The following LIN9 variants were observed in gnomAD, a reference collection of about 807,000 sequenced individuals.
LIN9 encodes the protein protein lin-9 homolog.
LIN9 carries 18 observed loss-of-function variants against 78.0 expected under a neutral mutation model. The observed-to-expected ratio is 0.23, with a 90% CI of 0.16 to 0.34. LIN9 has a LOEUF of 0.34. Ranked by LOEUF, LIN9 falls within the 10% of genes least tolerant of loss-of-function variation. LIN9 has a pLI of 1.00. For missense variants in LIN9, 451 were observed against 644.1 expected (o/e 0.70, Z 3.25); for synonymous variants, 192 against 215.2 (o/e 0.89, Z 0.94).
At position 226,232,960 on chromosome 1, in the gene LIN9, G is replaced by T. The variant is rs1657444493; in HGVS notation, c.1523+136C>A. ...TATTCTGTCCATAGGCTGGATATAAGTGAAAAGCTCTTACAAATATATTTA... is the reference window on the plus strand; with the variant it reads ...TATTCTGTCCATAGGCTGGATATAATTGAAAAGCTCTTACAAATATATTTA... On this transcript the variant is annotated intron_variant, in intron 14 of 14. Transcript: ENST00000681046. The T allele has an allele frequency of 7.1e-6, 4 of 565,410 alleles. No homozygotes were observed. The South Asian group carries it at 1.1e-4, about 16-fold the overall frequency. 35.0% of individuals were successfully genotyped at this position (565,410 alleles called of 1,614,324 possible). A position where few individuals can be genotyped will look rare whatever the true frequency, so the allele number is the denominator to read the frequency against.
chr1:226,262,097 G>C (rs1015083373), intron 10 of LIN9, among the ~76,000 whole-genome samples: 2 of 152,074 alleles, frequency 1.3e-5, no homozygotes, highest in African/African-American at 4.8e-5. Flanking sequence ...ACAAAAAAAT[G>C]AATCTAGACA....
In LIN9 at chr1:226,277,624, G is replaced by C. The variant is rs555452217; in HGVS notation, c.682+151C>G. 6 of 667,166 alleles carry C rather than the reference G, an allele frequency of 9.0e-6. No individual in the cohort carries two copies. The South Asian group carries it at 1.0e-4, about 11-fold the overall frequency. The allele number at this position is 667,166 out of a possible 1,614,324, so 41.3% of individuals were successfully genotyped here. On this transcript the variant is annotated intron_variant, in intron 7 of 14. Coordinates refer to ENST00000681046, the MANE Select transcript of LIN9 (RefSeq NM_001366245.2). ...GCATCAACCAGGCTCAGAGAGAGTTGAGGGATAGGGATAGGGTGAGGGTTA... is the reference window on the plus strand; with the variant it reads ...GCATCAACCAGGCTCAGAGAGAGTTCAGGGATAGGGATAGGGTGAGGGTTA...
chr1:226,261,659 TAAG>T (rs1353455708), intron 10 of LIN9, among the ~76,000 whole-genome samples: 3 of 152,210 alleles, frequency 2.0e-5, no homozygotes, highest in South Asian at 2.1e-4. Context: ...TGTTCATGGA[TAAG>T]AAGACACAAC....
At chr1:226,286,229 A>T in intron 6 of LIN9, 104 bp downstream of exon 6, 1 of 1,250,216 alleles carries the variant, frequency 8.0e-7, no homozygotes, top group Non-Finnish European at 1.1e-6. Flanking sequence ...CCCTGGCCTT[A>T]AGCAAATACC....
At chr1:226,282,417 G>A (rs777505343) in intron 6 of LIN9, among the ~76,000 whole-genome samples, 1 of 152,180 alleles carries the variant, frequency 6.6e-6, no homozygotes, top group Non-Finnish European at 1.5e-5. Flanking sequence ...GTCCTCCACA[G>A]AGATTATATA....
In LIN9 at chr1:226,241,695, A is replaced by G. The variant is rs374560746; in HGVS notation, c.1120-2599T>C. On this transcript the variant is annotated intron_variant, in intron 11 of 14. Coordinates refer to ENST00000681046, the MANE Select transcript of LIN9 (RefSeq NM_001366245.2). Reference sequence around the variant, plus strand: ...AACACGGTGAAACCCCGTCTCTACTAAAAATACAAAAAATTAGCTGGGTGT... The same window carrying G: ...AACACGGTGAAACCCCGTCTCTACTGAAAATACAAAAAATTAGCTGGGTGT... Among the ~76,000 whole-genome samples the G allele has an allele frequency of 2.0e-5, 3 of 152,204 alleles. No individual in the cohort carries two copies. In the East Asian group the frequency reaches 5.8e-4, roughly 29 times the overall value.
chr1:226,277,830 G>C lies in LIN9; in HGVS notation c.627C>G (p.Phe209Leu), dbSNP rs1576328601. 1 of 1,613,786 alleles carries C rather than the reference G, an allele frequency of 6.2e-7. No homozygotes were observed. The highest frequency in any genetic ancestry group is 2.2e-5 in the East Asian group (1 of 44,814). ...AAGGAATTTCATCTGGGAGATCTTT[G>C]AATTGTGAAACATCTGCAACTTTCC... Reference protein sequence around the residue: ...QQRKVADVSQFKDLPDEIPLP... With the variant: ...QQRKVADVSQLKDLPDEIPLP... The change falls in exon 7 of 15, where the codon TTC (phenylalanine) becomes TTG (leucine). Residue 209 changes from phenylalanine (F) to leucine (L), a missense_variant. Coordinates refer to ENST00000681046, the MANE Select transcript of LIN9 (RefSeq NM_001366245.2).
chr1:226,277,978 T>C (rs767436398), intron 6 of LIN9, 46 bp from the exon 7 acceptor site: 16 of 1,448,288 alleles, frequency 1.1e-5, no homozygotes, highest in South Asian at 1.3e-5. Context: ...CTACCCCATA[T>C]AAAAACTTAA....
At position 226,268,508 on chromosome 1, in the gene LIN9, C is replaced by T. The variant is rs1024985373; in HGVS notation, c.683-418G>A. Reference sequence around the variant, plus strand: ...CCTGATGCTGCTATACTTAGGAAAACCTCCTTGCAAGGTTGGCCTTTGTCT... The same window carrying T: ...CCTGATGCTGCTATACTTAGGAAAATCTCCTTGCAAGGTTGGCCTTTGTCT... On this transcript the variant is annotated intron_variant, in intron 7 of 14. Transcript: ENST00000681046. 5.9e-5 allele frequency among the ~76,000 whole-genome samples: 9 copies of T among 152,168 alleles called. No homozygotes were observed. The South Asian group carries it at 6.2e-4, about 11-fold the overall frequency.
chr1:226,278,001 T>C, intron 6 of LIN9, 69 bp from the exon 7 acceptor site: 2 of 1,375,606 alleles, frequency 1.5e-6, no homozygotes, highest in Non-Finnish European at 2.0e-6. Context: ...TCTTTTTTTT[T>C]TCTTTTTTTG....
At chr1:226,264,616 T>C (rs1408872701) in intron 10 of LIN9, among the ~76,000 whole-genome samples, 1 of 152,010 alleles carries the variant, frequency 6.6e-6, no homozygotes, top group South Asian at 2.1e-4. Flanking sequence ...GAGGCCAAGG[T>C]GGGGGGATCA....
chr1:226,291,675 T>C (rs1483376515), intron 4 of LIN9, among the ~76,000 whole-genome samples: 1 of 152,166 alleles, frequency 6.6e-6, no homozygotes, highest in Admixed American at 6.5e-5. Flanking sequence ...GTTGCAAAGA[T>C]AGTACATATT....
intron 6 of LIN9, among the ~76,000 whole-genome samples, chr1:226,285,502 T>C (rs1321418324): frequency 6.6e-6 from 1 of 152,148 alleles, no homozygotes; most frequent in Admixed American, 6.6e-5. Context: ...TCCTTGAACT[T>C]TCCCACCATT....
At chr1:226,289,855 G>GGGGT (rs1661636919) in intron 4 of LIN9, among the ~76,000 whole-genome samples, 1 of 64,328 alleles carries the variant, frequency 1.6e-5, no homozygotes, top group African/African-American at 5.7e-5. Flanking sequence ...GTGGGGGGGG[G>GGGGT]TGGGAAAGCT....
chr1:226,264,467 A>G (rs1198616703), intron 10 of LIN9, among the ~76,000 whole-genome samples: 1 of 152,224 alleles, frequency 6.6e-6, no homozygotes, highest in Non-Finnish European at 1.5e-5. Flanking sequence ...CACACAACTG[A>G]CAAGACCTTT....
At chr1:226,263,446 AT>A (rs1005771972) in intron 10 of LIN9, among the ~76,000 whole-genome samples, 2 of 152,178 alleles carry the variant, frequency 1.3e-5, no homozygotes, top group African/African-American at 4.8e-5. Context: ...GTCTAAAAAA[AT>A]AAAGTGTATT....
chr1:226,234,584 ATCT>A (rs1300109184), intron 12 of LIN9, among the ~76,000 whole-genome samples: 4 of 152,254 alleles, frequency 2.6e-5, no homozygotes, highest in Admixed American at 6.5e-5. Flanking sequence ...GGCCGGGCTC[ATCT>A]TCTTTCTCTG....
At chr1:226,249,632 T>C (rs1009901919) in intron 11 of LIN9, among the ~76,000 whole-genome samples, 1 of 152,184 alleles carries the variant, frequency 6.6e-6, no homozygotes, top group African/African-American at 2.4e-5. Context: ...ATTCCAGAGA[T>C]TCCCAGTGCC....
rs893910822 is a variant in LIN9, at chr1:226,265,972, C to T, written c.936+241G>A. On this transcript the variant is annotated intron_variant, in intron 9 of 14. Transcript: ENST00000681046. This position sits in a 1 kb window ranked among gnomAD's most constrained non-coding sequence, Gnocchi z 4.1. Reference sequence around the variant, plus strand: ...GATTACAGGCGTGAGCCACTGCGCCCGGCCAGGAAGTATCTTATTTTTAGA... The same window carrying T: ...GATTACAGGCGTGAGCCACTGCGCCTGGCCAGGAAGTATCTTATTTTTAGA... Among the ~76,000 whole-genome samples, 12 of 151,984 alleles carry T rather than the reference C, an allele frequency of 7.9e-5. No homozygotes were observed. Among genetic ancestry groups the T allele is most frequent in the African/African-American group, 1.7e-4 (7 of 41,384 alleles).
Sources: allele counts gnomAD v4.1 joint callset (sites outside exome capture counted in the v4.1 genomes callset), GRCh38; gene constraint gnomAD v4.1.1; non-coding constraint Gnocchi (gnomAD v3.1); transcripts MANE v1.5; gene names NCBI Gene and HGNC (gene_info 2026-07-23, HGNC 2026-07-21).